GNB5: variants seen among roughly 807,000 people sequenced by gnomAD.
GNB5 encodes the protein G protein subunit beta 5, also known as guanine nucleotide-binding protein subunit beta-5.
In GNB5, 37 loss-of-function variants were observed where a neutral mutation model predicts 55.3. The ratio of observed to expected loss-of-function variants is 0.67; its 90% CI spans 0.51 to 0.88. The LOEUF is 0.88. Ranked by LOEUF, GNB5 falls within the 40% of genes least tolerant of loss-of-function variation. The pLI is 0.00. For missense variants in GNB5, 476 were observed against 515.3 expected, an observed-to-expected ratio of 0.92 and a Z score of 0.74; for synonymous variants, 219 against 198.5, an observed-to-expected ratio of 1.10 and a Z score of -0.87.
At chr15:52,170,053 A>G (rs891546880) in intron 3 of GNB5, among the ~76,000 whole-genome samples, 3 of 152,212 alleles carry the variant, frequency 2.0e-5, no homozygotes, top group Admixed American at 2.0e-4. Flanking sequence ...TTAAAAAGTC[A>G]AGAAGTAACA....
chr15:52,126,413 C>T (rs1354924419), intron 10 of GNB5, among the ~76,000 whole-genome samples: 2 of 152,170 alleles, frequency 1.3e-5, no homozygotes, highest in East Asian at 3.9e-4. Context: ...ACCCTAAATC[C>T]TAGAGGTATT....
intron 7 of GNB5, chr15:52,137,606 G>A (rs1406599999): frequency 1.8e-6 from 2 of 1,119,974 alleles, no homozygotes; most frequent in Admixed American, 8.4e-5. Context: ...AAGGCACACA[G>A]GGGTGCCCAG....
chr15:52,155,391 C>T (rs748110226), intron 3 of GNB5, among the ~76,000 whole-genome samples: 20 of 152,164 alleles, frequency 1.3e-4, no homozygotes, highest in Non-Finnish European at 2.8e-4. Context: ...ATGACAGCAG[C>T]GTCCCTTCCT....
chr15:52,177,478 T>G (rs2034675250), intron 3 of GNB5, among the ~76,000 whole-genome samples: 1 of 151,252 alleles, frequency 6.6e-6, no homozygotes, highest in Non-Finnish European at 1.5e-5. Flanking sequence ...GCCAACATGG[T>G]GAAGCCTACT....
At chr15:52,152,631 C>T (rs2034123486) in intron 4 of GNB5, among the ~76,000 whole-genome samples, 1 of 141,694 alleles carries the variant, frequency 7.1e-6, no homozygotes, top group South Asian at 2.3e-4. Context: ...GGCTGAATAT[C>T]TCTCTTTTTT....
At chr15:52,124,757 C>T in intron 11 of GNB5, 118 bp from the exon 12 acceptor site, 1 of 824,584 alleles carries the variant, frequency 1.2e-6, no homozygotes, top group South Asian at 1.7e-5. Flanking sequence ...GTCCTAGGCA[C>T]TGTGCTTTGC....
At chr15:52,162,208 G>C (rs999197084) in intron 3 of GNB5, among the ~76,000 whole-genome samples, 1 of 152,226 alleles carries the variant, frequency 6.6e-6, no homozygotes, top group Non-Finnish European at 1.5e-5. Context: ...TCTGTAAAAT[G>C]AGGGTATTAG....
intron 3 of GNB5, among the ~76,000 whole-genome samples, chr15:52,158,552 A>G (rs1325615776): frequency 1.3e-5 from 2 of 152,108 alleles, no homozygotes; most frequent in African/African-American, 2.4e-5. Flanking sequence ...GCTGTCAAGC[A>G]ACTCACCAAT....
intron 6 of GNB5, among the ~76,000 whole-genome samples, chr15:52,146,246 C>T (rs2033974195): frequency 6.6e-6 from 1 of 152,148 alleles, no homozygotes; most frequent in African/African-American, 2.4e-5. Flanking sequence ...CGTGAGCCAC[C>T]ACTTGCCCGG....
intron 3 of GNB5, among the ~76,000 whole-genome samples, chr15:52,170,280 C>G (rs2034531762): frequency 1.3e-5 from 2 of 152,102 alleles, no homozygotes; most frequent in Admixed American, 6.6e-5. Context: ...CATTGCAGCA[C>G]TATTTACAAT....
At chr15:52,128,085 C>T (rs888935302) in intron 10 of GNB5, 111 bp downstream of exon 10, 2 of 638,206 alleles carry the variant, frequency 3.1e-6, no homozygotes, top group African/African-American at 3.7e-5. Flanking sequence ...CCTAAATTTT[C>T]TTTATTGAAT....
chr15:52,144,515 G>C (rs2033927874), intron 6 of GNB5: 1 of 152,210 alleles, frequency 6.6e-6, no homozygotes, highest in Non-Finnish European at 1.5e-5. Context: ...CAGAGGTCTG[G>C]CTTTTGCCCT....
chr15:52,156,479 C>A (rs755097751), intron 3 of GNB5, among the ~76,000 whole-genome samples: 2 of 152,232 alleles, frequency 1.3e-5, no homozygotes, highest in African/African-American at 4.8e-5. Flanking sequence ...CGCCTGTAAT[C>A]CCAGCACTTT....
rs1438700155 is a variant in GNB5, at chr15:52,161,344, C to T, written c.239-7268G>A. 2.0e-5 allele frequency among the ~76,000 whole-genome samples: 3 copies of T among 152,220 alleles called. No individual in the cohort carries two copies. The East Asian group carries it at 5.8e-4, about 29-fold the overall frequency. ...ACAGAGTCTCGCTCTGTTGCCCAGG[C>T]TGGAGTGCAGTGGCGTGATCTTGGC... On this transcript the variant is annotated intron_variant, in intron 3 of 12. Coordinates refer to ENST00000261837, the MANE Select transcript of GNB5 (RefSeq NM_016194.4).
chr15:52,132,709 G>A (rs1016811581), intron 9 of GNB5, among the ~76,000 whole-genome samples: 1 of 149,186 alleles, frequency 6.7e-6, no homozygotes, highest in African/African-American at 2.5e-5. Flanking sequence ...CTGGGCTCAA[G>A]CAATCTGCCC....
intron 1 of GNB5, among the ~76,000 whole-genome samples, chr15:52,189,974 T>G (rs2034896130): frequency 6.6e-6 from 1 of 152,256 alleles, no homozygotes; most frequent in Non-Finnish European, 1.5e-5. Context: ...ATGGGATTTC[T>G]TTTTCGGGGT....
At chr15:52,163,265 C>G (rs1462823121) in intron 3 of GNB5, among the ~76,000 whole-genome samples, 1 of 152,218 alleles carries the variant, frequency 6.6e-6, no homozygotes, top group South Asian at 2.1e-4. Flanking sequence ...GGCAGCGTGG[C>G]CACACACGGA....
At chr15:52,174,974 G>A (rs529649391) in intron 3 of GNB5, among the ~76,000 whole-genome samples, 16 of 152,250 alleles carry the variant, frequency 1.1e-4, no homozygotes, top group African/African-American at 2.2e-4. Flanking sequence ...TAGTGGGGCC[G>A]AGGGAGGAGA....
intron 6 of GNB5, among the ~76,000 whole-genome samples, chr15:52,146,017 C>A (rs994398901): frequency 2.8e-5 from 4 of 142,202 alleles, no homozygotes; most frequent in Non-Finnish European, 6.0e-5. Context: ...AGTGCAGTGG[C>A]GCGATCTTGG....
Sources: allele counts gnomAD v4.1 joint callset (sites outside exome capture counted in the v4.1 genomes callset), GRCh38; gene constraint gnomAD v4.1.1; transcripts MANE v1.5; gene names NCBI Gene and HGNC (gene_info 2026-07-23, HGNC 2026-07-21).